The following CUBN variants were observed in gnomAD, a reference collection of about 807,000 sequenced individuals.
The protein encoded by CUBN is 460 kDa receptor.
CUBN carries 282 observed loss-of-function variants against 405.3 expected under a neutral mutation model. The ratio of observed to expected loss-of-function variants is 0.70; its 90% CI spans 0.63 to 0.77. The LOEUF is 0.77. CUBN is among the 30% of genes least tolerant of loss of function. The probability of loss-of-function intolerance (pLI) is 0.00; values close to 1 mark genes in which losing one functional copy is unlikely to be tolerated. For missense variants in CUBN, 4,514 were observed against 4,475.2 expected, an observed-to-expected ratio of 1.01 and a Z score of -0.25; for synonymous variants, 1,684 against 1,617.0, an observed-to-expected ratio of 1.04 and a Z score of -0.99.
chr10:16,862,978 C>T (rs567323710), intron 59 of CUBN, among the ~76,000 whole-genome samples: 2 of 152,296 alleles, frequency 1.3e-5, no homozygotes, highest in South Asian at 4.1e-4. Context: ...TCCTTCAAGA[C>T]CAGGAGTGGC....
chr10:16,964,142 G>A (rs1047382346), intron 31 of CUBN, among the ~76,000 whole-genome samples: 5 of 152,218 alleles, frequency 3.3e-5, no homozygotes, highest in Middle Eastern at 6.8e-3. Context: ...TATATAGTCG[G>A]TATTTCTCTA....
intron 60 of CUBN, among the ~76,000 whole-genome samples, chr10:16,846,242 T>G (rs1588581107): frequency 1.3e-5 from 2 of 152,240 alleles, no homozygotes; most frequent in Admixed American, 6.5e-5. Flanking sequence ...GTGATGCTGC[T>G]ATTGGCATGC....
intron 16 of CUBN, 83 bp from the exon 17 acceptor site, chr10:17,084,544 A>T: frequency 9.9e-7 from 1 of 1,011,402 alleles, no homozygotes; most frequent in Non-Finnish European, 1.5e-6. Flanking sequence ...CTAAAAATTT[A>T]CCCACACACA....
At chr10:17,104,720 A>C in intron 11 of CUBN, 115 bp from the exon 12 acceptor site, 1 of 256,838 alleles carries the variant, frequency 3.9e-6, no homozygotes, top group Non-Finnish European at 7.5e-6. Flanking sequence ...TAATAATTAT[A>C]TAATTATTAT....
chr10:17,067,939 T>A, intron 21 of CUBN, 125 bp downstream of exon 21: 1 of 740,450 alleles, frequency 1.4e-6, no homozygotes, highest in Non-Finnish European at 2.3e-6. Context: ...GTAGAAATGG[T>A]CATTAAGAAG....
chr10:16,970,805 A>AT (rs1385635744), intron 31 of CUBN, among the ~76,000 whole-genome samples: 1 of 151,858 alleles, frequency 6.6e-6, no homozygotes, highest in African/African-American at 2.4e-5. Flanking sequence ...TATCTTTTTT[A>AT]TTTTTTAATT....
chr10:17,114,287 C>A, intron 7 of CUBN, 98 bp from the exon 8 acceptor site: 1 of 1,235,516 alleles, frequency 8.1e-7, no homozygotes, highest in South Asian at 1.3e-5. Context: ...TATCCTCTAA[C>A]GTTCATTTCC....
intron 27 of CUBN, among the ~76,000 whole-genome samples, chr10:17,031,977 C>G (rs1170335054): frequency 6.6e-6 from 1 of 152,172 alleles, no homozygotes; most frequent in Non-Finnish European, 1.5e-5. Context: ...AGAGAGAAAG[C>G]AAAGCCCTTA....
At chr10:17,048,833 A>C (rs1449042059) in intron 22 of CUBN, among the ~76,000 whole-genome samples, 1 of 152,152 alleles carries the variant, frequency 6.6e-6, no homozygotes, top group Non-Finnish European at 1.5e-5. Flanking sequence ...CTGCTATATA[A>C]TCCCCAAGCT....
intron 31 of CUBN, among the ~76,000 whole-genome samples, chr10:16,970,076 T>A (rs1018783122): frequency 6.6e-6 from 1 of 152,064 alleles, no homozygotes; most frequent in Admixed American, 6.5e-5. Flanking sequence ...CCCCAAGCCA[T>A]GAAGAGGGTG....
At chr10:17,044,239 A>G (rs1431844830) in intron 25 of CUBN, among the ~76,000 whole-genome samples, 1 of 145,428 alleles carries the variant, frequency 6.9e-6, no homozygotes, top group Non-Finnish European at 1.5e-5. Flanking sequence ...AAATACATAT[A>G]TTTATATATG....
chr10:16,890,685 T>A (rs573699752), intron 54 of CUBN, among the ~76,000 whole-genome samples, 158 bp from the exon 55 acceptor site: 1 of 152,324 alleles, frequency 6.6e-6, no homozygotes, highest in South Asian at 2.1e-4. Context: ...TTGAGAATAA[T>A]TTTTTTAAAG....
chr10:16,934,105 C>T (rs1842433583), intron 39 of CUBN, among the ~76,000 whole-genome samples: 1 of 152,146 alleles, frequency 6.6e-6, no homozygotes, highest in African/African-American at 2.4e-5. Context: ...CTCATTTTCA[C>T]AGCTACTGTG....
In CUBN at chr10:16,954,509, T is replaced by C. The variant is rs1286468462; in HGVS notation, c.4735A>G (p.Arg1579Gly). ...GLSSTMSRLA[R>G]TCGREQLANP... is the part of the protein sequence containing the mutation. ...GCCAGCTGCTCCCTTCCACACGTCC[T>C]GGCAAGGCGGGACATTGTGGAGCTT... The change falls in exon 32 of 67, where the codon AGG becomes GGG. Residue 1579 changes from arginine (R) to glycine (G), a missense_variant. Around this residue, in one of 5 missense-constraint regions of CUBN, gnomAD observed 1,613 missense variants for 1,542.8 expected, o/e 1.05. Coordinates refer to ENST00000377833, the MANE Select transcript of CUBN (RefSeq NM_001081.4). 1.2e-6 allele frequency: 2 copies of C among 1,613,848 alleles called. No homozygotes were observed. The highest frequency in any genetic ancestry group is 1.1e-5 in the South Asian group (1 of 91,066).
intron 27 of CUBN, among the ~76,000 whole-genome samples, chr10:17,039,658 C>T (rs773647659): frequency 2.6e-5 from 4 of 152,114 alleles, no homozygotes; most frequent in African/African-American, 7.2e-5. Context: ...TATCATTAAG[C>T]TTGTGAAGAC....
In CUBN at chr10:16,937,579, T is replaced by C. The variant is rs1479319090; in HGVS notation, c.5926+13A>G. On this transcript the variant is annotated intron_variant, in intron 39 of 66. Transcript: ENST00000377833. ...TCAGTCCTAAAAAGAACTTCATTTA[T>C]TACCAAACACACCTGGAGCAATGGT... 1 of 1,612,408 alleles carries C rather than the reference T, an allele frequency of 6.2e-7. No individual in the cohort carries two copies. The highest frequency in any genetic ancestry group is 8.5e-7 in the Non-Finnish European group (1 of 1,178,778).
intron 59 of CUBN, among the ~76,000 whole-genome samples, chr10:16,854,833 C>G (rs1183810885): frequency 6.6e-6 from 1 of 152,000 alleles, no homozygotes; most frequent in Non-Finnish European, 1.5e-5. Context: ...TCCAGGGAAC[C>G]CCAGAACAAG....
chr10:17,114,397 A>G (rs924994636), intron 7 of CUBN, among the ~76,000 whole-genome samples: 2 of 152,224 alleles, frequency 1.3e-5, no homozygotes, highest in African/African-American at 4.8e-5. Flanking sequence ...GAGTAAAAGC[A>G]AGCTATAATT....
At chr10:16,849,010 G>T (rs1023331750) in intron 60 of CUBN, among the ~76,000 whole-genome samples, 1 of 151,956 alleles carries the variant, frequency 6.6e-6, no homozygotes, top group Non-Finnish European at 1.5e-5. Context: ...GGCCGGCCAG[G>T]TCTCATTTTA....
Sources: allele counts gnomAD v4.1 joint callset (sites outside exome capture counted in the v4.1 genomes callset), GRCh38; gene constraint gnomAD v4.1.1; regional missense constraint gnomAD v4.1.1; transcripts MANE v1.5; gene names NCBI Gene and HGNC (gene_info 2026-07-23, HGNC 2026-07-21).